NAALADL2: variants seen among roughly 807,000 people sequenced by gnomAD.
NAALADL2 encodes the protein inactive N-acetylated-alpha-linked acidic dipeptidase-like protein 2.
A neutral mutation model predicts 87.2 loss-of-function variants in NAALADL2; 76 were observed. The observed-to-expected ratio is 0.87, with a 90% confidence interval of 0.72 to 1.05. NAALADL2 has a LOEUF of 1.05. NAALADL2 is among the 50% of genes least tolerant of loss of function. NAALADL2 has a pLI of 0.00. For synonymous variants in NAALADL2, 354 were observed against 331.0 expected (o/e 1.07, Z -0.75); for missense variants, 1,089 against 945.8 (o/e 1.15, Z -1.99).
chr3:175,447,333 A>C lies in NAALADL2; in HGVS notation c.1195A>C (p.Lys399Gln). Residue 399 changes from lysine (K) to glutamine (Q), a missense_variant, in exon 6 of 14, where the codon AAA becomes CAA. Physicochemically the swap from Lys to Gln is moderately conservative, Grantham distance 53. Coordinates refer to ENST00000454872, the MANE Select transcript of NAALADL2 (RefSeq NM_207015.3). ...GATCTCTTCGCCAAAAGCTAGAACC[A>C]AAAATGAAGCGTGTAGCTCTCTAGA... is the stretch of plus-strand genomic sequence containing the variant. ...KLISSPKART[K>Q]NEACSSLELP... is the part of the protein sequence containing the mutation. The C allele has an allele frequency of 6.3e-7, 1 of 1,599,988 alleles. No individual in the cohort carries two copies. Among genetic ancestry groups the C allele is most frequent in the Non-Finnish European group, 8.5e-7 (1 of 1,172,270 alleles).
At chr3:175,535,426 C>T (rs564551347) in intron 9 of NAALADL2, among the ~76,000 whole-genome samples, 7 of 152,298 alleles carry the variant, frequency 4.6e-5, no homozygotes, top group African/African-American at 1.2e-4. Context: ...CTACTCTCCA[C>T]GACAGTTGTC....
chr3:174,542,360 G>T (rs1049919260), intron 1 of NAALADL2, among the ~76,000 whole-genome samples: 1 of 152,098 alleles, frequency 6.6e-6, no homozygotes, highest in African/African-American at 2.4e-5. Flanking sequence ...GATCTTATGG[G>T]CATGGACTCT....
chr3:174,942,633 A>G (rs1407738783), intron 1 of NAALADL2, among the ~76,000 whole-genome samples: 2 of 152,128 alleles, frequency 1.3e-5, no homozygotes, highest in African/African-American at 4.8e-5. Flanking sequence ...ATGTTTTCCA[A>G]GTTGTTTGCT....
chr3:174,797,297 T>TA (rs1718219745), intron 3 of NAALADL2, among the ~76,000 whole-genome samples: 1 of 117,260 alleles, frequency 8.5e-6, no homozygotes, highest in Non-Finnish European at 1.7e-5. Flanking sequence ...CTTTTGTTTT[T>TA]CTTTTTTCTT....
chr3:175,205,303 C>T (rs569296818), intron 2 of NAALADL2, among the ~76,000 whole-genome samples: 4 of 152,214 alleles, frequency 2.6e-5, no homozygotes, highest in African/African-American at 9.6e-5. Context: ...CAAATACTTA[C>T]AGCCAGCTGA....
intron 1 of NAALADL2, among the ~76,000 whole-genome samples, chr3:174,921,587 G>A (rs1298404557): frequency 6.6e-6 from 1 of 152,008 alleles, no homozygotes; most frequent in Non-Finnish European, 1.5e-5. Context: ...GGATCACCAA[G>A]TCAGGAGATC....
intron 13 of NAALADL2, among the ~76,000 whole-genome samples, chr3:175,770,267 G>T (rs1399083921): frequency 2.6e-5 from 4 of 152,158 alleles, no homozygotes; most frequent in African/African-American, 4.8e-5. Context: ...GATGGATTAG[G>T]TATGAGGATG....
At chr3:175,191,527 A>C (rs1237747207) in intron 2 of NAALADL2, among the ~76,000 whole-genome samples, 1 of 152,164 alleles carries the variant, frequency 6.6e-6, no homozygotes, top group African/African-American at 2.4e-5. Context: ...ATTTGTCTCC[A>C]TGTGGTATCC....
intron 4 of NAALADL2, among the ~76,000 whole-genome samples, chr3:175,267,950 T>G (rs1752214632): frequency 6.6e-6 from 1 of 152,220 alleles, no homozygotes. Context: ...TAGCCTTTAG[T>G]AAATGCTCAA....
intron 1 of NAALADL2, among the ~76,000 whole-genome samples, chr3:175,036,186 T>C (rs1351440067): frequency 3.9e-5 from 6 of 152,188 alleles, no homozygotes; most frequent in Non-Finnish European, 7.3e-5. Flanking sequence ...CTTGTATGAT[T>C]ATTAACTTCG....
At chr3:175,766,819 A>AT (rs1255145455) in intron 13 of NAALADL2, among the ~76,000 whole-genome samples, 1 of 152,158 alleles carries the variant, frequency 6.6e-6, no homozygotes, top group Non-Finnish European at 1.5e-5. Flanking sequence ...TGTTTAGGAG[A>AT]TGAAATGCTC....
At chr3:175,068,029 C>A (rs376503195) in intron 1 of NAALADL2, among the ~76,000 whole-genome samples, 2 of 152,056 alleles carry the variant, frequency 1.3e-5, no homozygotes, top group South Asian at 4.1e-4. Flanking sequence ...TAGGTGGGAG[C>A]TAAACATTGC....
intron 4 of NAALADL2, among the ~76,000 whole-genome samples, chr3:175,302,244 G>T (rs920087007): frequency 6.6e-6 from 1 of 152,150 alleles, no homozygotes; most frequent in Non-Finnish European, 1.5e-5. Context: ...ACAGAAAGAG[G>T]AAGACAATTA....
At chr3:175,721,618 C>T (rs1742245673) in intron 11 of NAALADL2, among the ~76,000 whole-genome samples, 1 of 152,034 alleles carries the variant, frequency 6.6e-6, no homozygotes, top group African/African-American at 2.4e-5. Flanking sequence ...TCTGGATATA[C>T]AGGCATCAAC....
chr3:174,557,945 T>C (rs991679988), intron 2 of NAALADL2, among the ~76,000 whole-genome samples: 1 of 152,172 alleles, frequency 6.6e-6, no homozygotes, highest in African/African-American at 2.4e-5. Context: ...ATGTGAAATG[T>C]TAACCAGTGA....
intron 5 of NAALADL2, among the ~76,000 whole-genome samples, chr3:175,347,192 C>T (rs1763246352): frequency 6.6e-6 from 1 of 152,206 alleles, no homozygotes; most frequent in South Asian, 2.1e-4. Context: ...CAGTTTTCAA[C>T]TGATACTGCT....
rs528098760 is a variant in NAALADL2, at chr3:174,673,576, C to T, written c.-114-64065C>T. Among the ~76,000 whole-genome samples the T allele has an allele frequency of 2.7e-5, 4 of 145,956 alleles. No homozygotes were observed. In the South Asian group the frequency reaches 8.6e-4, roughly 32 times the overall value. On this transcript the variant is annotated intron_variant, in intron 2 of 3. Transcript: ENST00000434257. ...AACAAATATTACAAATTCTCACTCA[C>T]ATGTAAGAACTAAAAGCGGATCTCA...
chr3:175,313,641 C>T (rs1346192927), intron 4 of NAALADL2, among the ~76,000 whole-genome samples: 8 of 152,288 alleles, frequency 5.3e-5, no homozygotes, highest in Admixed American at 4.6e-4. Flanking sequence ...AACTACTATT[C>T]CCTTGCTAGA....
chr3:174,687,775 C>T (rs1287049777), intron 2 of NAALADL2, among the ~76,000 whole-genome samples: 4 of 152,164 alleles, frequency 2.6e-5, no homozygotes, highest in African/African-American at 9.6e-5. Context: ...AGGGCAGGGC[C>T]AGGTGGAGAT....
Sources: gnomAD v4.1 joint callset for allele counts (sites outside exome capture counted in the v4.1 genomes callset) on GRCh38, gnomAD v4.1.1 for gene constraint, MANE v1.5 for transcripts, NCBI Gene and HGNC (gene_info 2026-07-23, HGNC 2026-07-21) for gene names.